Variants in DNM3 observed in about 807,000 individuals in gnomAD.
DNM3 encodes dynamin 3, also known as dynamin-3.
A neutral mutation model predicts 101.6 loss-of-function variants in DNM3; 47 were observed. That is an observed-to-expected ratio of 0.46 (90% CI 0.37 to 0.59). The LOEUF (loss-of-function observed/expected upper bound fraction) is 0.59. Among genes scored for constraint, DNM3 ranks in the 20% least tolerant of loss-of-function variants. DNM3 has a pLI of 0.00. For synonymous variants in DNM3, 385 were observed against 387.9 expected, an observed-to-expected ratio of 0.99 and a Z score of 0.09; for missense variants, 849 against 1,085.7, an observed-to-expected ratio of 0.78 and a Z score of 3.06.
chr1:172,341,538 G>C (rs747688997), intron 17 of DNM3, among the ~76,000 whole-genome samples: 2 of 152,256 alleles, frequency 1.3e-5, no homozygotes, highest in East Asian at 3.9e-4. Context: ...AAAAACAGAC[G>C]TATAGACTAA....
At chr1:172,291,783 A>G (rs1291318667) in intron 15 of DNM3, among the ~76,000 whole-genome samples, 1 of 152,176 alleles carries the variant, frequency 6.6e-6, no homozygotes, top group African/African-American at 2.4e-5. Flanking sequence ...TTGGTCTTGC[A>G]TGATTTGGCA....
chr1:172,050,598 G>A (rs1168624753), intron 10 of DNM3, among the ~76,000 whole-genome samples: 1 of 152,172 alleles, frequency 6.6e-6, no homozygotes, highest in Non-Finnish European at 1.5e-5. Context: ...CTAGGTGTAG[G>A]CAAGGTAATG....
chr1:172,277,047 A>G (rs1405503181), intron 15 of DNM3, among the ~76,000 whole-genome samples: 1 of 152,116 alleles, frequency 6.6e-6, no homozygotes, highest in Non-Finnish European at 1.5e-5. Flanking sequence ...TATTCAACCT[A>G]TAAGTGCTTT....
intron 4 of DNM3, among the ~76,000 whole-genome samples, chr1:171,989,808 G>A (rs1280185179): frequency 1.3e-5 from 2 of 152,118 alleles, no homozygotes; most frequent in African/African-American, 4.8e-5. Flanking sequence ...GGCATTCAAT[G>A]ATGTGCCCTT....
At chr1:172,049,273 A>G (rs891561657) in intron 10 of DNM3, among the ~76,000 whole-genome samples, 1 of 152,168 alleles carries the variant, frequency 6.6e-6, no homozygotes, top group Non-Finnish European at 1.5e-5. Context: ...CCTTGGGCTT[A>G]ACCTCTCTAG....
chr1:172,274,640 C>G (rs573534131), intron 15 of DNM3, among the ~76,000 whole-genome samples: 1 of 151,696 alleles, frequency 6.6e-6, no homozygotes, highest in Non-Finnish European at 1.5e-5. Context: ...TGCTTAATAT[C>G]CTTCATCTTG....
chr1:171,876,930 T>C (rs576763594), intron 1 of DNM3, among the ~76,000 whole-genome samples: 103 of 152,360 alleles, frequency 6.8e-4, no homozygotes, highest in Middle Eastern at 3.4e-3. Flanking sequence ...GTTACAAATA[T>C]GTCCTTCTAA....
At chr1:171,890,957 T>C (rs1329038880) in intron 1 of DNM3, among the ~76,000 whole-genome samples, 1 of 152,192 alleles carries the variant, frequency 6.6e-6, no homozygotes, top group Non-Finnish European at 1.5e-5. Flanking sequence ...TGTGAGCCAC[T>C]GGCACCCAAC....
chr1:172,238,439 G>A (rs752667025), intron 14 of DNM3, among the ~76,000 whole-genome samples: 1 of 152,190 alleles, frequency 6.6e-6, no homozygotes, highest in South Asian at 2.1e-4. Context: ...AGGACTGAAC[G>A]ACTCAACTTA....
At chr1:171,957,552 G>T (rs2042947576) in intron 2 of DNM3, among the ~76,000 whole-genome samples, 1 of 152,034 alleles carries the variant, frequency 6.6e-6, no homozygotes, top group Admixed American at 6.5e-5. Context: ...AAACTTTTAT[G>T]CTCTGTTTCC....
chr1:172,186,080 G>T (rs1035011821), intron 14 of DNM3, among the ~76,000 whole-genome samples: 1 of 152,032 alleles, frequency 6.6e-6, no homozygotes, highest in Non-Finnish European at 1.5e-5. Context: ...AATAAAAATG[G>T]GAATAAGGAG....
chr1:172,259,344 G>C (rs886718184), intron 15 of DNM3, among the ~76,000 whole-genome samples: 1 of 152,054 alleles, frequency 6.6e-6, no homozygotes, highest in African/African-American at 2.4e-5. Flanking sequence ...TTAGAGTGGA[G>C]TGTAGAAGTC....
chr1:172,297,602 T>C (rs950797298), intron 15 of DNM3, among the ~76,000 whole-genome samples: 1 of 152,168 alleles, frequency 6.6e-6, no homozygotes, highest in African/African-American at 2.4e-5. Context: ...CTTTTCTAAA[T>C]GATGAGCATA....
At chr1:172,392,263 TC>T (rs2069586013) in intron 20 of DNM3, among the ~76,000 whole-genome samples, 1 of 152,188 alleles carries the variant, frequency 6.6e-6, no homozygotes, top group Non-Finnish European at 1.5e-5. Context: ...CCAAAGAGAT[TC>T]ACTAGTATGT....
rs61807783 is a variant in DNM3 at position 172,126,893 on chromosome 1, C to T, written c.1546-4282C>T. Among the ~76,000 whole-genome samples, 16 of 152,154 alleles carry T rather than the reference C, an allele frequency of 1.1e-4. No homozygotes were observed. The South Asian group carries it at 1.9e-3, about 18-fold the overall frequency. On this transcript the variant is annotated intron_variant, in intron 13 of 20. Coordinates refer to ENST00000627582, the MANE Select transcript of DNM3 (RefSeq NM_015569.5). ...GTTACACTTCTGTACTTAGGTCACC[C>T]GGATTCAGAAACTCAGAACCCTGGA...
At chr1:172,148,472 A>G (rs1443277119) in intron 14 of DNM3, among the ~76,000 whole-genome samples, 4 of 152,126 alleles carry the variant, frequency 2.6e-5, no homozygotes, top group African/African-American at 9.7e-5. Context: ...TGCTTTTAAT[A>G]TTTATATATG....
At chr1:172,129,401 A>G (rs2056814263) in intron 13 of DNM3, among the ~76,000 whole-genome samples, 1 of 152,224 alleles carries the variant, frequency 6.6e-6, no homozygotes, top group African/African-American at 2.4e-5. Context: ...CTGTATTTTT[A>G]TAAAGCATTT....
chr1:172,153,132 G>A (rs2058200498), intron 14 of DNM3, among the ~76,000 whole-genome samples: 1 of 152,136 alleles, frequency 6.6e-6, no homozygotes, highest in Non-Finnish European at 1.5e-5. Context: ...AGAATTGATT[G>A]GTTCAAGTTC....
At chr1:171,897,021 G>A (rs536997906) in intron 1 of DNM3, among the ~76,000 whole-genome samples, 1 of 152,068 alleles carries the variant, frequency 6.6e-6, no homozygotes, top group Non-Finnish European at 1.5e-5. Flanking sequence ...GTGATCCCAA[G>A]CCACATCTTC....
Sources: allele counts gnomAD v4.1 joint callset (sites outside exome capture counted in the v4.1 genomes callset), GRCh38; gene constraint gnomAD v4.1.1; transcripts MANE v1.5; gene names NCBI Gene and HGNC (gene_info 2026-07-23, HGNC 2026-07-21).